Variants in BRD1 observed in about 807,000 individuals in gnomAD.
BRD1 encodes bromodomain-containing protein 1.
In BRD1, 24 loss-of-function variants were observed where a neutral mutation model predicts 107.7. The ratio of observed to expected loss-of-function variants is 0.22; its 90% CI spans 0.16 to 0.31. The LOEUF is 0.31. Among genes scored for constraint, BRD1 ranks in the 10% least tolerant of loss-of-function variants. BRD1 has a pLI of 1.00. For synonymous variants in BRD1, 744 were observed against 686.1 expected (o/e 1.08, Z -1.32); for missense variants, 1,279 against 1,638.6 (o/e 0.78, Z 3.79).
At chr22:49,779,943 C>T (rs1378314266) in intron 8 of BRD1, among the ~76,000 whole-genome samples, 3 of 149,338 alleles carry the variant, frequency 2.0e-5, no homozygotes, top group Non-Finnish European at 2.9e-5. Context: ...ACGAGCCTGG[C>T]GACCCACACC....
In BRD1 at chr22:49,824,485, A is replaced by C. The variant is rs2060124932; in HGVS notation, c.-14-154T>G. 6.9e-7 allele frequency: 1 copy of C among 1,440,012 alleles called. No homozygotes were observed. The highest frequency in any genetic ancestry group is 9.1e-7 in the Non-Finnish European group (1 of 1,103,846). 89.2% of individuals were successfully genotyped at this position (1,440,012 alleles called of 1,614,324 possible). ...ACCTCTTTCCAAGGTGTCCAAAACC[A>C]CACATCCAGGCCTGAGCGAGTCCCC... On this transcript the variant is annotated intron_variant, in intron 1 of 12. Coordinates refer to ENST00000404760, the MANE Select transcript of BRD1 (RefSeq NM_001304808.3). This position sits in a 1 kb window ranked among gnomAD's most constrained non-coding sequence, Gnocchi z 5.9.
At chr22:49,826,232 ACT>A in intron 1 of BRD1, 10 of 985,090 alleles carry the variant, frequency 1.0e-5, no homozygotes, top group Non-Finnish European at 1.2e-5. Context: ...CTGGAAACCC[ACT>A]CTCTCCCAGG....
In BRD1 at chr22:49,824,950, C is replaced by T. The variant is rs1569145044; in HGVS notation, c.-14-619G>A. ...CCTGTCCATCCTCTATAGACAGGCCCTCCACACGCACAACACGGCACAGGG... is the reference window on the plus strand; with the variant it reads ...CCTGTCCATCCTCTATAGACAGGCCTTCCACACGCACAACACGGCACAGGG... On this transcript the variant is annotated intron_variant, in intron 1 of 12. Coordinates refer to ENST00000404760, the MANE Select transcript of BRD1 (RefSeq NM_001304808.3). The surrounding 1 kb of genome is among the most constrained non-coding windows in gnomAD (Gnocchi z 5.9). 2.8e-6 allele frequency: 1 copy of T among 359,606 alleles called. No individual in the cohort carries two copies. Among genetic ancestry groups the T allele is most frequent in the Non-Finnish European group, 3.9e-6 (1 of 255,224 alleles). 22.3% of individuals were successfully genotyped at this position (359,606 alleles called of 1,614,324 possible). A position where few individuals can be genotyped will look rare whatever the true frequency, so the allele number is the denominator to read the frequency against.
At chr22:49,787,981 A>G (rs2059361989) in intron 7 of BRD1, 94 bp from the exon 8 acceptor site, 2 of 1,207,184 alleles carry the variant, frequency 1.7e-6, no homozygotes, top group Non-Finnish European at 2.3e-6. Context: ...CCAAAATACT[A>G]ATTCAGTTAA....
rs146634323 is a variant in BRD1, at chr22:49,786,853, C to T, written c.2857+537G>A. Reference sequence around the variant, plus strand: ...GGGCCAGGTGCAGCGGCTCACACATCTAATCCCAACACTTTGGGAGTCAGA... The same window carrying T: ...GGGCCAGGTGCAGCGGCTCACACATTTAATCCCAACACTTTGGGAGTCAGA... On this transcript the variant is annotated intron_variant, in intron 8 of 12. Transcript: ENST00000404760. 7.9e-5 allele frequency among the ~76,000 whole-genome samples: 12 copies of T among 152,286 alleles called. No homozygotes were observed. In the East Asian group the frequency reaches 2.1e-3, roughly 27 times the overall value.
chr22:49,819,745 G>C (rs1169612960), intron 2 of BRD1, among the ~76,000 whole-genome samples: 1 of 151,244 alleles, frequency 6.6e-6, no homozygotes, highest in Non-Finnish European at 1.5e-5. Context: ...CACACACCCA[G>C]CCCTGCCTGT....
In BRD1 at chr22:49,798,545, C is replaced by T. The variant is rs779977393; in HGVS notation, c.1785+13G>A. Reference sequence around the variant, plus strand: ...CACATGCGGCAGGACAGACGAGCGCCGCAAACACCCACCTCCTTCAGACTC... The same window carrying T: ...CACATGCGGCAGGACAGACGAGCGCTGCAAACACCCACCTCCTTCAGACTC... On this transcript the variant is annotated intron_variant, in intron 5 of 12. Coordinates refer to ENST00000404760, the MANE Select transcript of BRD1 (RefSeq NM_001304808.3). The T allele has an allele frequency of 5.6e-6, 9 of 1,614,030 alleles. No individual in the cohort carries two copies. The highest frequency in any genetic ancestry group is 3.3e-4 in the Middle Eastern group (2 of 6,084).
At chr22:49,815,005 T>C (rs539358555) in intron 2 of BRD1, among the ~76,000 whole-genome samples, 3 of 152,066 alleles carry the variant, frequency 2.0e-5, no homozygotes, top group African/African-American at 2.4e-5. Context: ...GGGAATGACA[T>C]GGTTGGGTAC....
At position 49,788,436 on chromosome 22, in the gene BRD1, C is replaced by A. The variant is rs1357271934; in HGVS notation, c.2360-549G>T. Among the ~76,000 whole-genome samples the A allele has an allele frequency of 2.0e-5, 3 of 152,116 alleles. No individual in the cohort carries two copies. In the East Asian group the frequency reaches 5.8e-4, roughly 29 times the overall value. ...TTTCAAGAAAGGCAGGGAAAAAAGC[C>A]CCGCTCCCCACAGCACAGAAGTCCG... On this transcript the variant is annotated intron_variant, in intron 7 of 12. Transcript: ENST00000404760.
intron 2 of BRD1, among the ~76,000 whole-genome samples, chr22:49,816,790 G>A (rs1390200298): frequency 6.6e-6 from 1 of 152,162 alleles, no homozygotes; most frequent in Admixed American, 6.5e-5. Context: ...GTCCAGGTAG[G>A]AAAAAAGTGC....
chr22:49,823,771 G>T lies in BRD1; in HGVS notation c.547C>A (p.Gln183Lys). The T allele has an allele frequency of 6.2e-7, 1 of 1,614,158 alleles. No individual in the cohort carries two copies. The highest frequency in any genetic ancestry group is 8.5e-7 in the Non-Finnish European group (1 of 1,180,036). ...RKGDCVPAVS[Q>K]SMFEFLMDRF... ...TCCATCAGGAACTCAAACATGCTCT[G>T]CGACACGGCGGGGACGCAGTCGCCC... The change falls in exon 2 of 13, where the codon CAG becomes AAG. Residue 183 changes from glutamine (Q) to lysine (K), a missense_variant. This residue lies in a region of BRD1 where 223 missense variants were observed against 263.5 expected (regional missense o/e 0.85). Transcript: ENST00000404760.
chr22:49,801,688 G>A (rs2059644178), intron 3 of BRD1, among the ~76,000 whole-genome samples: 4 of 152,256 alleles, frequency 2.6e-5, no homozygotes, highest in African/African-American at 7.2e-5. Context: ...TGGCCGGGCT[G>A]TGGGGATGTT....
chr22:49,805,304 C>T (rs11702926), intron 2 of BRD1: 7,952 of 152,324 alleles, frequency 0.052, 284 homozygotes, highest in Non-Finnish European at 0.075. Flanking sequence ...GTGGAGCCTG[C>T]AGGAGAACAC....
intron 2 of BRD1, among the ~76,000 whole-genome samples, chr22:49,821,986 A>C (rs2060076457): frequency 6.6e-6 from 1 of 152,244 alleles, no homozygotes; most frequent in Admixed American, 6.5e-5. Flanking sequence ...ACAGCACGGG[A>C]AACGGGGCCA....
intron 7 of BRD1, among the ~76,000 whole-genome samples, chr22:49,788,195 CAATGAATAAT>C (rs2059366263): frequency 6.6e-6 from 1 of 152,194 alleles, no homozygotes; most frequent in African/African-American, 2.4e-5. Context: ...ACAGTTTCTG[CAATGAATAAT>C]TCACTTACCT....
rs1569079785 is a variant in BRD1, at chr22:49,775,833, A to AGAT, written c.3232-89_3232-88insATC. ...CACTGGCACCCCCCCCCGCCTCCCC[A>AGAT]CCCCAGCTGTGTGAGCCTCCTCAGA... On this transcript the variant is annotated intron_variant, in intron 11 of 12. Coordinates refer to ENST00000404760, the MANE Select transcript of BRD1 (RefSeq NM_001304808.3). The AGAT allele has an allele frequency of 1.2e-3, 668 of 552,208 alleles. 10 individuals are homozygous for AGAT. In the East Asian group the frequency reaches 0.032, roughly 26 times the overall value. 34.2% of individuals were successfully genotyped at this position (552,208 alleles called of 1,614,324 possible).
Position 49,783,601 on chromosome 22 carries a change from G to A in BRD1, c.2857+3789C>T, listed in dbSNP as rs1039239709. 9.9e-5 allele frequency among the ~76,000 whole-genome samples: 15 copies of A among 152,236 alleles called. No homozygotes were observed. Among genetic ancestry groups the A allele is most frequent in the East Asian group, 1.9e-4 (1 of 5,192 alleles). On this transcript the variant is annotated intron_variant, in intron 8 of 12. Transcript: ENST00000404760. This position sits in a 1 kb window ranked among gnomAD's most constrained non-coding sequence, Gnocchi z 4.2. ...TCCACTGTGTCGTCAGCTGCAGCAG[G>A]CTCCCAGTCGGTGCCGGGCTCTCCT...
In BRD1 at chr22:49,803,934, T is replaced by C. The variant is rs756687712; in HGVS notation, c.1524+270A>G. ...GAGCTGGCCACTGCCCATCAGCGTG[T>C]GTGCGGGCAGGGCAGGGCGGGGGAG... On this transcript the variant is annotated intron_variant, in intron 3 of 12. Transcript: ENST00000404760. The surrounding 1 kb of genome is among the most constrained non-coding windows in gnomAD (Gnocchi z 4.4). Among the ~76,000 whole-genome samples the C allele has an allele frequency of 1.3e-4, 20 of 152,204 alleles. No individual in the cohort carries two copies. The highest frequency in any genetic ancestry group is 2.6e-4 in the Admixed American group (4 of 15,280).
intron 8 of BRD1, among the ~76,000 whole-genome samples, chr22:49,779,011 C>G (rs571702204): frequency 6.6e-6 from 1 of 152,206 alleles, no homozygotes; most frequent in Non-Finnish European, 1.5e-5. Flanking sequence ...CTACCTACCT[C>G]ATCCTTAAAA....
Sources: allele counts gnomAD v4.1 joint callset (sites outside exome capture counted in the v4.1 genomes callset), GRCh38; gene constraint gnomAD v4.1.1; regional missense constraint gnomAD v4.1.1; non-coding constraint Gnocchi (gnomAD v3.1); transcripts MANE v1.5; gene names NCBI Gene and HGNC (gene_info 2026-07-23, HGNC 2026-07-21).